The following ACKR4 variants were observed in gnomAD, a reference collection of about 807,000 sequenced individuals.
The protein encoded by ACKR4 is atypical chemokine receptor 4, also known as C-C CKR-11.
A neutral mutation model predicts 8.5 loss-of-function variants in ACKR4; 2 were observed. That is an observed-to-expected ratio of 0.23 (90% CI 0.10 to 0.74). The LOEUF (loss-of-function observed/expected upper bound fraction) is 0.74. Ranked by LOEUF, ACKR4 falls within the 30% of genes least tolerant of loss-of-function variation. The pLI is 0.75. For synonymous variants in ACKR4, 67 were observed against 145.0 expected, an observed-to-expected ratio of 0.46 and a Z score of 3.86; for missense variants, 167 against 422.1, an observed-to-expected ratio of 0.40 and a Z score of 5.30.
Position 132,600,547 on chromosome 3 carries a change from A to G in ACKR4, c.150A>G (p.Ile50Met), listed in dbSNP as rs1451796464. The change falls in exon 2 of 2, where the codon ATA becomes ATG. Residue 50 changes from isoleucine to methionine, a missense_variant. Transcript: ENST00000249887. ...AKVFLPVFLT[I>M]VFVIGLAGNS... is the part of the protein sequence containing the mutation. ...TTTTCCTCCCTGTATTCCTCACAAT[A>G]GTTTTCGTCATTGGACTTGCAGGCA... 6 of 1,613,984 alleles carry G rather than the reference A, an allele frequency of 3.7e-6. No homozygotes were observed. Among genetic ancestry groups the G allele is most frequent in the South Asian group, 1.1e-5 (1 of 91,078 alleles).
chr3:132,600,273 CAT>C (rs1938509744), intron 1 of ACKR4, 114 bp from the exon 2 acceptor site: 2 of 863,464 alleles, frequency 2.3e-6, no homozygotes, highest in Non-Finnish European at 3.5e-6. Context: ...TTCAGGCTCA[CAT>C]ATGTTACAGC....
chr3:132,599,954 G>A (rs181930157), intron 1 of ACKR4, among the ~76,000 whole-genome samples: 77 of 151,894 alleles, frequency 5.1e-4, no homozygotes, highest in African/African-American at 1.4e-3. Context: ...TGCTATTTTC[G>A]TTTTTATTCA....
chr3:132,598,502 T>G (rs1458432016), intron 1 of ACKR4, among the ~76,000 whole-genome samples: 1 of 152,200 alleles, frequency 6.6e-6, no homozygotes, highest in Non-Finnish European at 1.5e-5. Context: ...TTGAGGAACT[T>G]AAAACCTAGA....
intron 1 of ACKR4, among the ~76,000 whole-genome samples, chr3:132,600,026 T>G (rs1938498417): frequency 6.6e-6 from 1 of 152,184 alleles, no homozygotes; most frequent in Non-Finnish European, 1.5e-5. Flanking sequence ...ATAACACTAT[T>G]TATTCTTTTT....
At position 132,602,274 on chromosome 3, in the gene ACKR4, TATG is replaced by T. The variant is rs1293160654; in HGVS notation, c.*828_*830del. On this transcript the variant is annotated 3_prime_UTR_variant, in exon 2 of 2. Coordinates refer to ENST00000249887, the MANE Select transcript of ACKR4 (RefSeq NM_016557.4). The stretch of plus-strand genomic sequence containing the variant: ...AGTTCCTAAAGACATAATTTGCTTC[TATG>T]ATGTCAACTTTCTTACTAATAACTG... 4 of 167,022 alleles carry T rather than the reference TATG, an allele frequency of 2.4e-5. No individual in the cohort carries two copies. Among genetic ancestry groups the T allele is most frequent in the East Asian group, 1.9e-4 (1 of 5,208 alleles). 10.3% of individuals were successfully genotyped at this position (167,022 alleles called of 1,614,324 possible). A position where few individuals can be genotyped will look rare whatever the true frequency, so the allele number is the denominator to read the frequency against.
intron 1 of ACKR4, 37 bp downstream of exon 1, chr3:132,597,360 T>C (rs1047961456): frequency 6.6e-6 from 1 of 152,000 alleles, no homozygotes; most frequent in African/African-American, 2.4e-5. Context: ...CTGACTTGAA[T>C]ATTTTTTTAA....
rs191076092 is a variant in ACKR4 at position 132,599,416 on chromosome 3, A to G, written c.-9-973A>G. The stretch of plus-strand genomic sequence containing the variant: ...CAGCTACTTGGGAGGCTGAGGCAGG[A>G]GAATCGCATGAACCCGGGAGGCGGA... On this transcript the variant is annotated intron_variant, in intron 1 of 1. Transcript: ENST00000249887. Among the ~76,000 whole-genome samples the G allele has an allele frequency of 8.7e-3, 1,323 of 152,138 alleles. 27 individuals carry two copies. The highest frequency in any genetic ancestry group is 0.031 in the African/African-American group (1,267 of 41,506).
Position 132,600,595 on chromosome 3 carries a change from T to C in ACKR4, c.198T>C (p.Tyr66=), listed in dbSNP as rs1178669228. The change falls in exon 2 of 2, where the codon TAT becomes TAC. Residue 66 remains tyrosine (Y), a synonymous_variant. Transcript: ENST00000249887. ...LAGNSMVVAI[Y]AYYKKQRTKT... is the part of the protein sequence containing the mutation. ...GCAATTCCATGGTAGTGGCAATTTA[T>C]GCCTATTACAAGAAACAGAGAACCA... is the stretch of plus-strand genomic sequence containing the variant. 9 of 1,613,830 alleles carry C rather than the reference T, an allele frequency of 5.6e-6. No homozygotes were observed. The highest frequency in any genetic ancestry group is 7.6e-6 in the Non-Finnish European group (9 of 1,179,840).
intron 1 of ACKR4, among the ~76,000 whole-genome samples, chr3:132,597,993 A>G (rs962512504): frequency 6.6e-6 from 1 of 152,178 alleles, no homozygotes; most frequent in Non-Finnish European, 1.5e-5. Flanking sequence ...CAATTCTTCT[A>G]TGTGGTGTCT....
At chr3:132,599,434 G>C (rs1938470181) in intron 1 of ACKR4, among the ~76,000 whole-genome samples, 1 of 151,968 alleles carries the variant, frequency 6.6e-6, no homozygotes, top group Non-Finnish European at 1.5e-5. Context: ...ATGAACCCGG[G>C]AGGCGGAGGT....
chr3:132,597,604 T>C (rs916387751), intron 1 of ACKR4, among the ~76,000 whole-genome samples: 8 of 152,138 alleles, frequency 5.3e-5, no homozygotes, highest in Non-Finnish European at 7.4e-5. Flanking sequence ...TCACTTTCTT[T>C]TACAAGTACT....
At chr3:132,600,297 C>T in intron 1 of ACKR4, 92 bp from the exon 2 acceptor site, 1 of 1,112,568 alleles carries the variant, frequency 9.0e-7, no homozygotes, top group Non-Finnish European at 1.3e-6. Context: ...ACAGGCTATA[C>T]TCTAGGGAAA....
Position 132,602,434 on chromosome 3 carries a change from T to G in ACKR4, c.*984T>G, listed in dbSNP as rs1384743967. Reference sequence around the variant, plus strand: ...TTTATACAAGTCTACCACTGCCGATTGACTAAAAAATACATTATCCCATGC... The same window carrying G: ...TTTATACAAGTCTACCACTGCCGATGGACTAAAAAATACATTATCCCATGC... On this transcript the variant is annotated 3_prime_UTR_variant, in exon 2 of 2. Coordinates refer to ENST00000249887, the MANE Select transcript of ACKR4 (RefSeq NM_016557.4). Among the ~76,000 whole-genome samples the G allele has an allele frequency of 6.6e-6, 1 of 152,190 alleles. No homozygotes were observed. The highest frequency in any genetic ancestry group is 2.4e-5 in the African/African-American group (1 of 41,450).
At chr3:132,600,211 T>G (rs1387468098) in intron 1 of ACKR4, among the ~76,000 whole-genome samples, 178 bp from the exon 2 acceptor site, 1 of 152,194 alleles carries the variant, frequency 6.6e-6, no homozygotes, top group Non-Finnish European at 1.5e-5. Flanking sequence ...TAACTAATCT[T>G]GGGGTCATAT....
At chr3:132,597,921 T>A (rs533382396) in intron 1 of ACKR4, among the ~76,000 whole-genome samples, 1 of 152,266 alleles carries the variant, frequency 6.6e-6, no homozygotes, top group South Asian at 2.1e-4. Flanking sequence ...ACTTTTTAAG[T>A]AACTTTAATG....
rs140856216 is a variant in ACKR4 at position 132,598,900 on chromosome 3, G to C, written c.-9-1489G>C. 1.9e-3 allele frequency among the ~76,000 whole-genome samples: 296 copies of C among 152,276 alleles called. 3 individuals are homozygous for C. Among genetic ancestry groups the C allele is most frequent in the African/African-American group, 6.8e-3 (284 of 41,550 alleles). On this transcript the variant is annotated intron_variant, in intron 1 of 1. Transcript: ENST00000249887. ...GTGAAGAGATGTGTCTTCCAGATGA[G>C]GAACAAAACAGAGGAGAGGTAGATT...
chr3:132,600,954 C>T lies in ACKR4; in HGVS notation c.557C>T (p.Pro186Leu), dbSNP rs1191072918. The T allele has an allele frequency of 1.2e-6, 2 of 1,611,988 alleles. No homozygotes were observed. Among genetic ancestry groups the T allele is most frequent in the South Asian group, 2.2e-5 (2 of 90,842 alleles). The change falls in exon 2 of 2, where the codon CCC becomes CTC. Residue 186 changes from proline to leucine, a missense_variant. By Grantham distance (98) the Pro-to-Leu change is moderately conservative (BLOSUM62 -3). Around this residue, in one of 2 missense-constraint regions of ACKR4, gnomAD observed 149 missense variants for 281.9 expected, o/e 0.53. Transcript: ENST00000249887. ...YTVNDNARCIPIFPRYLGTSM... is the reference protein window; with the variant it reads ...YTVNDNARCILIFPRYLGTSM... ...GTAAATGACAATGCTAGGTGCATTC[C>T]CATTTTCCCCCGCTACCTAGGAACA...
At chr3:132,597,917 T>A (rs115763475) in intron 1 of ACKR4, among the ~76,000 whole-genome samples, 2,384 of 152,252 alleles carry the variant, frequency 0.016, 17 homozygotes, top group South Asian at 0.048. Flanking sequence ...TGGAACTTTT[T>A]AAGTAACTTT....
At position 132,600,723 on chromosome 3, in the gene ACKR4, A is replaced by G. The variant is rs1223735899; in HGVS notation, c.326A>G (p.Lys109Arg). ...VNAVHGWVLG[K>R]IMCKITSALY... ...GCAGTTCATGGGTGGGTTTTAGGGA[A>G]AATAATGTGCAAAATAACTTCAGCC... The change falls in exon 2 of 2, where the codon AAA becomes AGA. Residue 109 changes from lysine to arginine, a missense_variant. Lys to Arg is a conservative substitution (Grantham distance 26). This residue lies in a region of ACKR4 where 149 missense variants were observed against 281.9 expected (regional missense o/e 0.53). Transcript: ENST00000249887. 1 of 1,613,952 alleles carries G rather than the reference A, an allele frequency of 6.2e-7. No individual in the cohort carries two copies. The highest frequency in any genetic ancestry group is 2.2e-5 in the East Asian group (1 of 44,876).
Sources: gnomAD v4.1 joint callset for allele counts (sites outside exome capture counted in the v4.1 genomes callset) on GRCh38, gnomAD v4.1.1 for gene constraint, gnomAD v4.1.1 regional missense constraint, MANE v1.5 for transcripts, NCBI Gene and HGNC (gene_info 2026-07-23, HGNC 2026-07-21) for gene names.